Variants in SNX24 observed in about 807,000 individuals in gnomAD.
The protein encoded by SNX24 is sorting nexin 24.
In SNX24, 22 loss-of-function variants were observed where a neutral mutation model predicts 28.7. The ratio of observed to expected loss-of-function variants is 0.77; its 90% CI spans 0.55 to 1.10. The LOEUF (loss-of-function observed/expected upper bound fraction) is 1.10, where lower values mean the gene tolerates loss of function less well. Ranked by LOEUF, SNX24 falls within the 50% of genes least tolerant of loss-of-function variation. The pLI is 0.00. For missense variants in SNX24, 221 were observed against 201.1 expected, an observed-to-expected ratio of 1.10 and a Z score of -0.60; for synonymous variants, 69 against 71.5, an observed-to-expected ratio of 0.96 and a Z score of 0.18.
intron 1 of SNX24, among the ~76,000 whole-genome samples, chr5:122,931,127 T>A (rs1758935944): frequency 6.6e-6 from 1 of 152,172 alleles, no homozygotes; most frequent in Non-Finnish European, 1.5e-5. Context: ...TTCTGAAATT[T>A]AGATATTTTT....
intron 1 of SNX24, among the ~76,000 whole-genome samples, chr5:122,884,073 T>C (rs549444233): frequency 3.3e-5 from 5 of 152,278 alleles, no homozygotes; most frequent in African/African-American, 1.2e-4. Context: ...TTTATTCAAT[T>C]GAATATATAA....
intron 1 of SNX24, among the ~76,000 whole-genome samples, chr5:122,893,012 C>T (rs1757041205): frequency 6.7e-6 from 1 of 148,328 alleles, no homozygotes; most frequent in South Asian, 2.2e-4. Flanking sequence ...GTAATCCACC[C>T]ACCTCGGCCT....
In SNX24 at chr5:122,912,638, G is replaced by T. The variant is rs538652159; in HGVS notation, c.61-24096G>T. ...GATAGCTCTTATTATTTTGAGATAC[G>T]TCCCATCAATACCTAATTTATTGAG... On this transcript the variant is annotated intron_variant, in intron 1 of 6. Coordinates refer to ENST00000261369, the MANE Select transcript of SNX24 (RefSeq NM_014035.4). Among the ~76,000 whole-genome samples the T allele has an allele frequency of 2.0e-4, 30 of 151,924 alleles. No individual in the cohort carries two copies. In the East Asian group the frequency reaches 4.1e-3, roughly 21 times the overall value.
chr5:122,901,978 A>G lies in SNX24; in HGVS notation c.61-34756A>G, dbSNP rs372943664. Among the ~76,000 whole-genome samples, 80 of 152,306 alleles carry G rather than the reference A, an allele frequency of 5.3e-4. No homozygotes were observed. The Middle Eastern group carries it at 0.01, about 19-fold the overall frequency. On this transcript the variant is annotated intron_variant, in intron 1 of 6. Transcript: ENST00000261369. ...CAAACAATATTCTTTTGTCTTATAT[A>G]TCTTTGAGTCTAAGACTGAGCTTCA...
intron 3 of SNX24, among the ~76,000 whole-genome samples, chr5:122,956,844 T>C (rs1760238532): frequency 6.6e-6 from 1 of 152,168 alleles, no homozygotes; most frequent in African/African-American, 2.4e-5. Context: ...TTTGGAGAAA[T>C]ATCTCTTCAA....
In SNX24 at chr5:122,936,819, T is replaced by TGCA. The variant is rs748489045; in HGVS notation, c.144+2_144+3insGCA. The TGCA allele has an allele frequency of 6.3e-7, 1 of 1,596,228 alleles. No homozygotes were observed. The highest frequency in any genetic ancestry group is 1.7e-5 in the Admixed American group (1 of 59,666). On this transcript the variant is annotated splice_region_variant and intron_variant, in intron 2 of 6. Coordinates refer to ENST00000261369, the MANE Select transcript of SNX24 (RefSeq NM_014035.4). ...GAATTTCATGCTTTGCACAAAAAGG[T>TGCA]AACTTGTTTTCTGTTTTTTTGTCTT...
At chr5:123,025,993 C>T in intron 5 of SNX24, 1 of 1,561,010 alleles carries the variant, frequency 6.4e-7, no homozygotes, top group Non-Finnish European at 8.7e-7. Context: ...GGAAGAAAGT[C>T]AACAGATGTC....
chr5:123,022,417 A>G (rs1171914717), intron 5 of SNX24: 2 of 151,752 alleles, frequency 1.3e-5, no homozygotes, highest in African/African-American at 4.9e-5. Flanking sequence ...AGCACTCTCT[A>G]TTATAGCCAG....
intron 3 of SNX24, among the ~76,000 whole-genome samples, chr5:122,969,048 C>G (rs955448227): frequency 2.0e-5 from 3 of 151,902 alleles, no homozygotes; most frequent in African/African-American, 7.3e-5. Flanking sequence ...TAACACTGTT[C>G]CATCCTGAAT....
chr5:122,980,818 G>A (rs1761361376), intron 3 of SNX24, among the ~76,000 whole-genome samples: 1 of 151,886 alleles, frequency 6.6e-6, no homozygotes, highest in South Asian at 2.1e-4. Flanking sequence ...AGCCTTGTCA[G>A]ACTCAAAAGG....
intron 3 of SNX24, among the ~76,000 whole-genome samples, chr5:122,992,669 A>C (rs995637509): frequency 2.6e-5 from 4 of 152,220 alleles, no homozygotes; most frequent in African/African-American, 4.8e-5. Flanking sequence ...ACTCCCCTTT[A>C]AGGTACTAAT....
chr5:122,975,453 T>C (rs1483865124), intron 3 of SNX24, among the ~76,000 whole-genome samples: 1 of 152,336 alleles, frequency 6.6e-6, no homozygotes, highest in East Asian at 1.9e-4. Context: ...TAGTATTTCA[T>C]TGTATTATAT....
intron 6 of SNX24, among the ~76,000 whole-genome samples, chr5:123,002,663 A>G (rs534847640): frequency 3.3e-5 from 5 of 152,256 alleles, no homozygotes; most frequent in Non-Finnish European, 5.9e-5. Context: ...AACTATGTGT[A>G]TATACATTGC....
intron 1 of SNX24, among the ~76,000 whole-genome samples, chr5:122,873,417 T>C (rs896672573): frequency 6.6e-6 from 1 of 152,114 alleles, no homozygotes; most frequent in African/African-American, 2.4e-5. Context: ...GTCTGTTTAA[T>C]TGGAAATTTA....
chr5:122,858,347 C>G (rs1755303247), intron 1 of SNX24, among the ~76,000 whole-genome samples: 1 of 152,212 alleles, frequency 6.6e-6, no homozygotes, highest in Admixed American at 6.5e-5. Flanking sequence ...GATAGGCTTG[C>G]TCAATGCAGG....
intron 3 of SNX24, among the ~76,000 whole-genome samples, chr5:122,960,389 C>T (rs1298198058): frequency 6.6e-6 from 1 of 152,024 alleles, no homozygotes; most frequent in African/African-American, 2.4e-5. Context: ...ATTTTTAGTC[C>T]CTAAACTATT....
intron 1 of SNX24, among the ~76,000 whole-genome samples, chr5:122,908,241 A>T (rs1313221590): frequency 6.6e-6 from 1 of 152,234 alleles, no homozygotes; most frequent in Non-Finnish European, 1.5e-5. Context: ...TTTTGCTCTG[A>T]TCAATAAGCA....
At chr5:122,968,273 G>A (rs1013687434) in intron 3 of SNX24, among the ~76,000 whole-genome samples, 3 of 152,158 alleles carry the variant, frequency 2.0e-5, no homozygotes, top group African/African-American at 7.2e-5. Flanking sequence ...CTTGAACCTG[G>A]GAGGCGGAGA....
intron 3 of SNX24, among the ~76,000 whole-genome samples, chr5:122,963,229 G>A (rs1032282804): frequency 6.6e-6 from 1 of 152,152 alleles, no homozygotes; most frequent in African/African-American, 2.4e-5. Flanking sequence ...GTGAGACACT[G>A]TCTCAAAAAT....
Sources: allele counts gnomAD v4.1 joint callset (sites outside exome capture counted in the v4.1 genomes callset), GRCh38; gene constraint gnomAD v4.1.1; transcripts MANE v1.5; gene names NCBI Gene and HGNC (gene_info 2026-07-23, HGNC 2026-07-21).